The following INTS8 variants were observed in gnomAD, a reference collection of about 807,000 sequenced individuals.
INTS8 encodes the protein integrator complex subunit 8.
Under a neutral mutation model 138.9 loss-of-function variants are expected in INTS8, and 47 were observed. That is an observed-to-expected ratio of 0.34 (90% CI 0.27 to 0.43). The LOEUF is 0.43. Ranked by LOEUF, INTS8 falls within the 20% of genes least tolerant of loss-of-function variation. INTS8 has a pLI of 1.00. For synonymous variants in INTS8, 392 were observed against 400.9 expected, an observed-to-expected ratio of 0.98 and a Z score of 0.27; for missense variants, 996 against 1,173.0, an observed-to-expected ratio of 0.85 and a Z score of 2.20.
At chr8:94,856,720 A>C in intron 14 of INTS8, 57 bp from the exon 15 acceptor site, 1 of 1,411,576 alleles carries the variant, frequency 7.1e-7, no homozygotes, top group South Asian at 1.2e-5. Flanking sequence ...ACATAAAGGC[A>C]CACATTTTTT....
chr8:94,851,810 A>T, intron 13 of INTS8, 124 bp downstream of exon 13: 4 of 647,400 alleles, frequency 6.2e-6, no homozygotes, highest in Non-Finnish European at 1.0e-5. Context: ...TAAGACCTTC[A>T]TATGAACATA....
intron 12 of INTS8, among the ~76,000 whole-genome samples, chr8:94,850,659 T>A (rs981152127): frequency 6.2e-5 from 9 of 144,826 alleles, no homozygotes; most frequent in Non-Finnish European, 1.2e-4. Context: ...TAGACCAAGG[T>A]AACACTGCTG....
intron 17 of INTS8, 45 bp downstream of exon 17, chr8:94,865,735 A>G (rs1262590417): frequency 1.4e-6 from 2 of 1,477,636 alleles, no homozygotes; most frequent in South Asian, 1.2e-5. Flanking sequence ...AGTTCTTAAT[A>G]TTTATCCTAT....
rs1338665921 is a variant in INTS8, at chr8:94,824,059, TAAAAG to T, written c.130+503_130+507del. Among the ~76,000 whole-genome samples the T allele has an allele frequency of 2.6e-5, 4 of 152,318 alleles. No homozygotes were observed. In the East Asian group the frequency reaches 7.7e-4, roughly 29 times the overall value. On this transcript the variant is annotated intron_variant, in intron 1 of 26. Transcript: ENST00000523731. ...CTTATTCCAAAGTTGGGCTGTAAGT[TAAAAG>T]AAAATCTTTGAAAGTAGGAACTGCT...
intron 21 of INTS8, 56 bp from the exon 22 acceptor site, chr8:94,873,318 A>C: frequency 9.5e-6 from 11 of 1,152,850 alleles, no homozygotes; most frequent in Non-Finnish European, 1.4e-5. Flanking sequence ...TTTACAAAGG[A>C]ATCCCTGTTT....
Position 94,827,742 on chromosome 8 carries a change from A to C in INTS8, c.467A>C (p.Gln156Pro). Reference protein sequence around the residue: ...YNRWAIRTIVQSSFPVKQAKP... With the variant: ...YNRWAIRTIVPSSFPVKQAKP... Reference sequence around the variant, plus strand: ...TTCAGGGCAATTAGGACAATTGTTCAAAGTAGTTTTCCAGTCAAACAGGCA... The same window carrying C: ...TTCAGGGCAATTAGGACAATTGTTCCAAGTAGTTTTCCAGTCAAACAGGCA... Residue 156 changes from glutamine (Q) to proline (P), a missense_variant, in exon 4 of 27, where the codon CAA becomes CCA. Coordinates refer to ENST00000523731, the MANE Select transcript of INTS8 (RefSeq NM_017864.4). 6.2e-7 allele frequency: 1 copy of C among 1,614,120 alleles called. No homozygotes were observed. Among genetic ancestry groups the C allele is most frequent in the East Asian group, 2.2e-5 (1 of 44,884 alleles).
At position 94,844,198 on chromosome 8, in the gene INTS8, C is replaced by A. The variant is rs967132607; in HGVS notation, c.1260+1710C>A. 3.3e-5 allele frequency among the ~76,000 whole-genome samples: 5 copies of A among 152,130 alleles called. No individual in the cohort carries two copies. The South Asian group carries it at 1.0e-3, about 32-fold the overall frequency. ...GGACTACGGGCGTGCGCTACCACGCCTGGCTAATTTTTGTATTTTTAGTAG... is the reference window on the plus strand; with the variant it reads ...GGACTACGGGCGTGCGCTACCACGCATGGCTAATTTTTGTATTTTTAGTAG... On this transcript the variant is annotated intron_variant, in intron 10 of 26. Transcript: ENST00000523731.
Position 94,867,315 on chromosome 8 carries a change from A to G in INTS8, c.2392A>G (p.Ile798Val), listed in dbSNP as rs1349516614. 2.5e-6 allele frequency: 4 copies of G among 1,612,044 alleles called. No homozygotes were observed. Among genetic ancestry groups the G allele is most frequent in the East Asian group, 2.2e-5 (1 of 44,780 alleles). ...TGATATTACAGCTGAACACATTTCT[A>G]TTTGGCCATCTTCCATTCCCAAGTA... ...VNDITAEHIS[I>V]WPSSIPNLQS... The change falls in exon 20 of 27, where the codon ATT becomes GTT. Residue 798 changes from isoleucine to valine, a missense_variant. Transcript: ENST00000523731.
intron 5 of INTS8, among the ~76,000 whole-genome samples, chr8:94,829,611 T>C (rs1194077868): frequency 6.6e-6 from 1 of 152,192 alleles, no homozygotes; most frequent in Non-Finnish European, 1.5e-5. Flanking sequence ...CCTGCCTTTA[T>C]ACCATTTATA....
intron 16 of INTS8, among the ~76,000 whole-genome samples, chr8:94,861,645 C>T (rs1367993915): frequency 7.2e-5 from 11 of 151,816 alleles, no homozygotes; most frequent in Non-Finnish European, 8.8e-5. Flanking sequence ...CTCTGCCTCC[C>T]AGATTCAAGC....
At chr8:94,823,803 C>G (rs367969867) in intron 1 of INTS8, among the ~76,000 whole-genome samples, 57 of 152,352 alleles carry the variant, frequency 3.7e-4, no homozygotes, top group East Asian at 9.7e-4. Context: ...ATCCTAAACC[C>G]TTTGGTCCTT....
Position 94,853,886 on chromosome 8 carries a change from G to A in INTS8, c.1723G>A (p.Ala575Thr). The change falls in exon 14 of 27, where the codon GCC becomes ACC. Residue 575 changes from alanine (A) to threonine (T), a missense_variant. Ala to Thr is a moderately conservative substitution (Grantham distance 58, BLOSUM62 0). Coordinates refer to ENST00000523731, the MANE Select transcript of INTS8 (RefSeq NM_017864.4). ...LTRDLVYILM[A>T]KGLHCSTVKD... ...AAGAGATTTGGTTTATATTCTTATGGCCAAAGGTTTGCACTGCAGTACTGT... is the reference window on the plus strand; with the variant it reads ...AAGAGATTTGGTTTATATTCTTATGACCAAAGGTTTGCACTGCAGTACTGT... 2.5e-6 allele frequency: 4 copies of A among 1,606,130 alleles called. No homozygotes were observed. Among genetic ancestry groups the A allele is most frequent in the Non-Finnish European group, 3.4e-6 (4 of 1,172,902 alleles).
chr8:94,826,125 T>C (rs1343392581), intron 2 of INTS8, among the ~76,000 whole-genome samples: 1 of 152,248 alleles, frequency 6.6e-6, no homozygotes, highest in African/African-American at 2.4e-5. Flanking sequence ...ATTCTTAGGA[T>C]AGCTCCTTAA....
chr8:94,879,431 T>TA (rs1372491473), intron 26 of INTS8, among the ~76,000 whole-genome samples: 1 of 151,650 alleles, frequency 6.6e-6, no homozygotes, highest in South Asian at 2.1e-4. Context: ...CCGTCTCTAC[T>TA]AAAAAATACA....
intron 20 of INTS8, among the ~76,000 whole-genome samples, chr8:94,870,212 T>C (rs984282860): frequency 2.2e-4 from 34 of 152,128 alleles, no homozygotes; most frequent in African/African-American, 7.7e-4. Context: ...CCACCATGCC[T>C]GGCTAATTTT....
At chr8:94,857,647 C>T (rs1216921738) in intron 15 of INTS8, among the ~76,000 whole-genome samples, 2 of 152,196 alleles carry the variant, frequency 1.3e-5, no homozygotes, top group African/African-American at 4.8e-5. Context: ...TCTGGTGACC[C>T]AGCAATCTTT....
chr8:94,851,399 T>C (rs1363763770), intron 12 of INTS8, among the ~76,000 whole-genome samples, 154 bp from the exon 13 acceptor site: 1 of 152,230 alleles, frequency 6.6e-6, no homozygotes, highest in African/African-American at 2.4e-5. Context: ...AGGATAAAGT[T>C]AATGTGTAAT....
intron 16 of INTS8, among the ~76,000 whole-genome samples, chr8:94,860,838 G>A (rs1179099612): frequency 4.6e-5 from 7 of 151,720 alleles, no homozygotes; most frequent in Non-Finnish European, 1.0e-4. Context: ...GGCAGATCAC[G>A]AGGTCAGGAG....
chr8:94,830,085 C>T (rs1170282413), intron 5 of INTS8, among the ~76,000 whole-genome samples: 3 of 152,004 alleles, frequency 2.0e-5, no homozygotes, highest in African/African-American at 4.8e-5. Flanking sequence ...TTAGTAGAGA[C>T]GGGTTTCACC....
Sources: gnomAD v4.1 joint callset for allele counts (sites outside exome capture counted in the v4.1 genomes callset) on GRCh38, gnomAD v4.1.1 for gene constraint, MANE v1.5 for transcripts, NCBI Gene and HGNC (gene_info 2026-07-23, HGNC 2026-07-21) for gene names.